CNTN4: variants seen among roughly 807,000 people sequenced by gnomAD.
CNTN4 encodes the protein contactin 4, also known as contactin-4.
CNTN4 carries 77 observed loss-of-function variants against 122.5 expected under a neutral mutation model. The ratio of observed to expected loss-of-function variants is 0.63; its 90% CI spans 0.52 to 0.76. CNTN4 has a LOEUF of 0.76. CNTN4 is among the 30% of genes least tolerant of loss of function. The pLI is 0.00. For synonymous variants in CNTN4, 512 were observed against 447.0 expected (o/e 1.15, Z -1.83); for missense variants, 1,256 against 1,259.1 (o/e 1.00, Z 0.04).
intron 6 of CNTN4, among the ~76,000 whole-genome samples, chr3:2,775,149 T>C (rs890099527): frequency 5.9e-5 from 9 of 152,244 alleles, no homozygotes; most frequent in African/African-American, 1.9e-4. Flanking sequence ...ATATGCTTTG[T>C]ACAGTGACTG....
intron 2 of CNTN4, among the ~76,000 whole-genome samples, chr3:2,277,297 A>T (rs772038411): frequency 1.6e-4 from 24 of 152,204 alleles, no homozygotes; most frequent in Non-Finnish European, 2.8e-4. Flanking sequence ...GGTCAGCCAT[A>T]TTAATAATGA....
intron 4 of CNTN4, among the ~76,000 whole-genome samples, chr3:2,649,389 G>A (rs987743379): frequency 2.0e-5 from 3 of 152,146 alleles, no homozygotes; most frequent in Non-Finnish European, 4.4e-5. Context: ...TTAAGTTGAA[G>A]ACAGTGTTCA....
intron 3 of CNTN4, among the ~76,000 whole-genome samples, chr3:2,546,628 G>C (rs2078256879): frequency 6.6e-6 from 1 of 151,932 alleles, no homozygotes; most frequent in Non-Finnish European, 1.5e-5. Flanking sequence ...TTGTTAACCT[G>C]CACATGTACT....
intron 4 of CNTN4, among the ~76,000 whole-genome samples, chr3:2,664,873 G>C (rs2084071969): frequency 6.6e-6 from 1 of 152,144 alleles, no homozygotes; most frequent in South Asian, 2.1e-4. Context: ...GAAGAAAGAT[G>C]TCTCCTTTCC....
At chr3:2,794,007 TA>T (rs1366374913) in intron 6 of CNTN4, among the ~76,000 whole-genome samples, 5 of 152,216 alleles carry the variant, frequency 3.3e-5, no homozygotes, top group African/African-American at 1.2e-4. Flanking sequence ...CTGCCATGCA[TA>T]TTTTTCTTGG....
At chr3:2,610,106 A>G (rs2081418370) in intron 4 of CNTN4, among the ~76,000 whole-genome samples, 1 of 152,158 alleles carries the variant, frequency 6.6e-6, no homozygotes, top group South Asian at 2.1e-4. Context: ...ACAAAATGCC[A>G]GGTTTTACAA....
At chr3:2,894,813 A>G (rs2094088586) in intron 10 of CNTN4, among the ~76,000 whole-genome samples, 1 of 152,138 alleles carries the variant, frequency 6.6e-6, no homozygotes. Context: ...CTTTTTGAAA[A>G]TCCACATATT....
intron 13 of CNTN4, among the ~76,000 whole-genome samples, chr3:2,983,317 A>G (rs1200708023): frequency 6.8e-6 from 1 of 147,130 alleles, no homozygotes; most frequent in Non-Finnish European, 1.5e-5. Context: ...GGTTCAATAT[A>G]TCATCCCCCT....
intron 7 of CNTN4, among the ~76,000 whole-genome samples, chr3:2,849,239 C>T (rs770884062): frequency 6.6e-6 from 1 of 152,028 alleles, no homozygotes; most frequent in Non-Finnish European, 1.5e-5. Context: ...CCTAATAGGC[C>T]CACATGAAGC....
intron 3 of CNTN4, among the ~76,000 whole-genome samples, chr3:2,398,283 C>A (rs984035425): frequency 6.6e-6 from 1 of 152,010 alleles, no homozygotes; most frequent in African/African-American, 2.4e-5. Flanking sequence ...CTCATTAAAA[C>A]AAAAACAAAA....
chr3:3,016,311 AC>A, intron 14 of CNTN4, among the ~76,000 whole-genome samples: 1 of 152,246 alleles, frequency 6.6e-6, no homozygotes, highest in South Asian at 2.1e-4. Context: ...TTTAACATAT[AC>A]CCCCCTTCCC....
chr3:2,755,225 G>A (rs561220774), intron 6 of CNTN4, among the ~76,000 whole-genome samples: 8 of 152,212 alleles, frequency 5.3e-5, no homozygotes, highest in South Asian at 2.1e-4. Context: ...TTTGATACAC[G>A]GCTAAACTCA....
intron 7 of CNTN4, among the ~76,000 whole-genome samples, chr3:2,846,944 G>C (rs543301311): frequency 6.0e-4 from 91 of 152,234 alleles, no homozygotes; most frequent in African/African-American, 2.1e-3. Flanking sequence ...CTGCAGCCGA[G>C]ATCGCACCAC....
Position 2,495,151 on chromosome 3 carries a change from T to G in CNTN4, c.-88-76265T>G, listed in dbSNP as rs536910582. Among the ~76,000 whole-genome samples, 115 of 152,316 alleles carry G rather than the reference T, an allele frequency of 7.6e-4. 1 individual carries two copies. Among genetic ancestry groups the G allele is most frequent in the Admixed American group, 2.3e-3 (35 of 15,302 alleles). On this transcript the variant is annotated intron_variant, in intron 3 of 24. Coordinates refer to ENST00000418658, the MANE Select transcript of CNTN4 (RefSeq NM_175607.3). ...ATGCCGCCTTCAACATCATAATCAA[T>G]ATTTAATAGCAATCTCTGAATGTCT...
chr3:2,379,597 A>T (rs895541953), intron 3 of CNTN4, among the ~76,000 whole-genome samples: 2 of 152,198 alleles, frequency 1.3e-5, no homozygotes, highest in South Asian at 2.1e-4. Context: ...AAAATATGTC[A>T]GGGATAGGAG....
intron 2 of CNTN4, among the ~76,000 whole-genome samples, chr3:2,204,862 G>C (rs11922675): frequency 0.048 from 7,269 of 152,090 alleles, 322 homozygotes; most frequent in African/African-American, 0.12. Context: ...AGCTGAGTTA[G>C]GACAGGATTT....
intron 6 of CNTN4, among the ~76,000 whole-genome samples, chr3:2,801,945 T>C (rs2092358106): frequency 6.6e-6 from 1 of 152,188 alleles, no homozygotes; most frequent in African/African-American, 2.4e-5. Context: ...TTAGTAAAAA[T>C]GTTGGAGTTT....
intron 13 of CNTN4, among the ~76,000 whole-genome samples, chr3:2,957,846 G>A (rs941197729): frequency 6.6e-6 from 1 of 152,116 alleles, no homozygotes; most frequent in African/African-American, 2.4e-5. Context: ...CCATCAGTGG[G>A]CACTCAGGTT....
chr3:2,207,897 T>G (rs1285833965), intron 2 of CNTN4, among the ~76,000 whole-genome samples: 2 of 152,116 alleles, frequency 1.3e-5, no homozygotes, highest in African/African-American at 4.8e-5. Context: ...CTGGTGACTT[T>G]AAGTTGAGGC....
Sources: allele counts gnomAD v4.1 joint callset (sites outside exome capture counted in the v4.1 genomes callset), GRCh38; gene constraint gnomAD v4.1.1; transcripts MANE v1.5; gene names NCBI Gene and HGNC (gene_info 2026-07-23, HGNC 2026-07-21).